Variants in NXN observed in about 807,000 individuals in gnomAD.
NXN encodes the protein nucleoredoxin 1.
In NXN, 16 loss-of-function variants were observed where a neutral mutation model predicts 48.6. The observed-to-expected ratio is 0.33, with a 90% CI of 0.22 to 0.50. NXN has a LOEUF of 0.50. NXN is among the 20% of genes least tolerant of loss of function. The probability of loss-of-function intolerance (pLI) is 0.98; values close to 1 mark genes in which losing one functional copy is unlikely to be tolerated. For synonymous variants in NXN, 281 were observed against 269.6 expected, an observed-to-expected ratio of 1.04 and a Z score of -0.41; for missense variants, 492 against 605.5, an observed-to-expected ratio of 0.81 and a Z score of 1.97.
At chr17:931,912 G>A (rs2068858782) in intron 1 of NXN, among the ~76,000 whole-genome samples, 2 of 148,414 alleles carry the variant, frequency 1.3e-5, no homozygotes, top group Admixed American at 1.3e-4. Context: ...GGGAGGCCGA[G>A]GCGGGGGGAT....
At chr17:960,102 A>T (rs551458052) in intron 1 of NXN, among the ~76,000 whole-genome samples, 2 of 152,212 alleles carry the variant, frequency 1.3e-5, no homozygotes, top group East Asian at 3.9e-4. Flanking sequence ...TAAAAAAAAA[A>T]TGGAATAATC....
At chr17:876,521 C>T (rs2068217768) in intron 1 of NXN, among the ~76,000 whole-genome samples, 1 of 152,144 alleles carries the variant, frequency 6.6e-6, no homozygotes, top group South Asian at 2.1e-4. Context: ...GTACGTCTCC[C>T]CATCAATGAA....
chr17:849,791 T>C lies in NXN; in HGVS notation c.361-23713A>G, dbSNP rs1248006227. ...AACTCACGTCAAGGGCAGGCAGGGG[T>C]CGCCTTGCTGGGCCAGGGACAGCAG... On this transcript the variant is annotated intron_variant, in intron 1 of 7. Transcript: ENST00000336868. This position sits in a 1 kb window ranked among gnomAD's most constrained non-coding sequence, Gnocchi z 4.2. Among the ~76,000 whole-genome samples the C allele has an allele frequency of 6.6e-6, 1 of 151,684 alleles. No homozygotes were observed. The highest frequency in any genetic ancestry group is 1.5e-5 in the Non-Finnish European group (1 of 67,930).
At chr17:914,418 C>A (rs142497917) in intron 1 of NXN, among the ~76,000 whole-genome samples, 1 of 152,256 alleles carries the variant, frequency 6.6e-6, no homozygotes, top group South Asian at 2.1e-4. Context: ...GATCCACCCG[C>A]CACAGCCTCC....
chr17:848,992 T>A (rs1182149839), intron 1 of NXN, among the ~76,000 whole-genome samples: 4 of 152,232 alleles, frequency 2.6e-5, no homozygotes, highest in Non-Finnish European at 5.9e-5. Flanking sequence ...ACCAGGCATT[T>A]GTGCCAGACG....
In NXN at chr17:835,140, C is replaced by G. The variant is rs1456534545; in HGVS notation, c.361-9062G>C. 3.3e-5 allele frequency among the ~76,000 whole-genome samples: 5 copies of G among 151,524 alleles called. No homozygotes were observed. The East Asian group carries it at 6.0e-4, about 18-fold the overall frequency. ...TGGCTAACATGGTGAAACCCTGTCT[C>G]TACTAAAAATACAAAAAATTAGCCG... On this transcript the variant is annotated intron_variant, in intron 1 of 7. Coordinates refer to ENST00000336868, the MANE Select transcript of NXN (RefSeq NM_022463.5).
At chr17:929,046 G>T (rs1462841153) in intron 1 of NXN, among the ~76,000 whole-genome samples, 1 of 152,208 alleles carries the variant, frequency 6.6e-6, no homozygotes, top group African/African-American at 2.4e-5. Context: ...TATGTGCTTT[G>T]TTTGGCTTTG....
Position 842,540 on chromosome 17 carries a change from C to T in NXN, c.361-16462G>A, listed in dbSNP as rs963595620. On this transcript the variant is annotated intron_variant, in intron 1 of 7. Coordinates refer to ENST00000336868, the MANE Select transcript of NXN (RefSeq NM_022463.5). The stretch of plus-strand genomic sequence containing the variant: ...TGCAACCCACCTTCGAAGACGCCAA[C>T]CAGAGGCACCTACGGCACATCCCGA... The T allele has an allele frequency of 3.0e-6, 3 of 985,326 alleles. No homozygotes were observed. The African/African-American group carries it at 5.2e-5, about 17-fold the overall frequency. The allele number at this position is 985,326 out of a possible 1,614,324, so 61.0% of individuals were successfully genotyped here. A position where few individuals can be genotyped will look rare whatever the true frequency, so the allele number is the denominator to read the frequency against.
At chr17:802,034 G>C (rs1233889018) in intron 7 of NXN, among the ~76,000 whole-genome samples, 1 of 152,204 alleles carries the variant, frequency 6.6e-6, no homozygotes, top group Non-Finnish European at 1.5e-5. Flanking sequence ...AGCTGTCCTG[G>C]TGAATTTCCC....
intron 1 of NXN, among the ~76,000 whole-genome samples, chr17:869,963 G>A (rs759051815): frequency 2.5e-4 from 38 of 152,190 alleles, no homozygotes; most frequent in Admixed American, 9.8e-4. Flanking sequence ...GCCTTAAGCC[G>A]GCAGTTTTCA....
chr17:968,941 AAAAG>A (rs1041680359), intron 1 of NXN, among the ~76,000 whole-genome samples: 12 of 152,126 alleles, frequency 7.9e-5, no homozygotes, highest in African/African-American at 1.4e-4. Flanking sequence ...GGTCTCAAAA[AAAAG>A]AAAGAAAGAA....
chr17:802,312 C>T (rs879882893), intron 7 of NXN, among the ~76,000 whole-genome samples: 2 of 152,074 alleles, frequency 1.3e-5, no homozygotes, highest in Admixed American at 6.6e-5. Flanking sequence ...TTTGGAGACA[C>T]AAAAGTCCAG....
chr17:819,520 A>G lies in NXN; in HGVS notation c.739T>C (p.Phe247Leu). ...ACGGCGAGCCAGGGCATCTCACTGAAGTACTGTTTGAAGGACTCCTCCGAC... is the reference window on the plus strand; with the variant it reads ...ACGGCGAGCCAGGGCATCTCACTGAGGTACTGTTTGAAGGACTCCTCCGAC... Reference protein sequence around the residue: ...DRSEESFKQYFSEMPWLAVPY... With the variant: ...DRSEESFKQYLSEMPWLAVPY... Residue 247 changes from phenylalanine to leucine, a missense_variant, in exon 5 of 8, where the codon TTC becomes CTC. Phe to Leu is a conservative substitution (Grantham distance 22). Around this residue, in one of 3 missense-constraint regions of NXN, gnomAD observed 303 missense variants for 388.3 expected, o/e 0.78. Transcript: ENST00000336868. 1.2e-6 allele frequency: 2 copies of G among 1,610,906 alleles called. No individual in the cohort carries two copies. Among genetic ancestry groups the G allele is most frequent in the Non-Finnish European group, 1.7e-6 (2 of 1,178,050 alleles).
chr17:900,913 CTTTTTTTTTTTTTTT>C, intron 1 of NXN, among the ~76,000 whole-genome samples: 1 of 75,862 alleles, frequency 1.3e-5, no homozygotes, highest in African/African-American at 5.3e-5. Context: ...GATCTGCATT[CTTTTTTTTTTTTTTT>C]TTTTTTTTTG....
rs143125247 is a variant in NXN at position 908,321 on chromosome 17, A to C, written c.360+70998T>G. On this transcript the variant is annotated intron_variant, in intron 1 of 7. Coordinates refer to ENST00000336868, the MANE Select transcript of NXN (RefSeq NM_022463.5). ...GGGAGGCTGAGGCAGGCGGATCATG[A>C]GGTCAAGAGTTTGAGACCAGCCTGG... Among the ~76,000 whole-genome samples, 107 of 152,138 alleles carry C rather than the reference A, an allele frequency of 7.0e-4. 2 individuals carry two copies. In the East Asian group the frequency reaches 0.02, roughly 28 times the overall value.
Position 891,098 on chromosome 17 carries a change from T to C in NXN, c.361-65020A>G, listed in dbSNP as rs140172148. Among the ~76,000 whole-genome samples the C allele has an allele frequency of 2.0e-3, 302 of 148,642 alleles. 1 individual carries two copies. The highest frequency in any genetic ancestry group is 7.0e-3 in the African/African-American group (278 of 39,556). On this transcript the variant is annotated intron_variant, in intron 1 of 7. Transcript: ENST00000336868. Reference sequence around the variant, plus strand: ...GTCTGTCCGTCCATCCGTCCGTCCATCCGTCCATCTCACTCTGTTGCCCAG... The same window carrying C: ...GTCTGTCCGTCCATCCGTCCGTCCACCCGTCCATCTCACTCTGTTGCCCAG...
rs185155899 is a variant in NXN at position 849,270 on chromosome 17, C to T, written c.361-23192G>A. On this transcript the variant is annotated intron_variant, in intron 1 of 7. Coordinates refer to ENST00000336868, the MANE Select transcript of NXN (RefSeq NM_022463.5). The surrounding 1 kb of genome is among the most constrained non-coding windows in gnomAD (Gnocchi z 4.2). ...CTTCCCAGCTGGGCGCAGTGGCTCA[C>T]GCCTGTAATCCCAGCACTTTGGGAG... is the stretch of plus-strand genomic sequence containing the variant. 7.2e-5 allele frequency among the ~76,000 whole-genome samples: 11 copies of T among 152,260 alleles called. No individual in the cohort carries two copies. In the East Asian group the frequency reaches 1.7e-3, roughly 24 times the overall value.
intron 1 of NXN, among the ~76,000 whole-genome samples, chr17:893,104 C>A (rs1263043430): frequency 1.3e-5 from 2 of 152,264 alleles, no homozygotes; most frequent in African/African-American, 4.8e-5. Context: ...CCCTAAAGGG[C>A]AAAGCTGTTC....
chr17:804,177 T>C (rs1911358206), intron 6 of NXN, among the ~76,000 whole-genome samples: 1 of 151,322 alleles, frequency 6.6e-6, no homozygotes, highest in Non-Finnish European at 1.5e-5. Context: ...AGCCACAGAA[T>C]GAGAAGCCAT....
Sources: gnomAD v4.1 joint callset for allele counts (sites outside exome capture counted in the v4.1 genomes callset) on GRCh38, gnomAD v4.1.1 for gene constraint, gnomAD v4.1.1 regional missense constraint, Gnocchi (gnomAD v3.1) non-coding constraint, MANE v1.5 for transcripts, NCBI Gene and HGNC (gene_info 2026-07-23, HGNC 2026-07-21) for gene names.